Variants in PRAG1 observed in about 807,000 individuals in gnomAD.
PRAG1 encodes the protein PEAK1 related, kinase-activating pseudokinase 1.
A neutral mutation model predicts 95.6 loss-of-function variants in PRAG1; 110 were observed. That is an observed-to-expected ratio of 1.15 (90% CI 0.99 to 1.35). PRAG1 has a LOEUF of 1.35. Ranked by LOEUF, PRAG1 falls within the 40% of genes most tolerant of loss-of-function variation. The pLI is 0.00. For missense variants in PRAG1, 2,554 were observed against 1,864.7 expected, an observed-to-expected ratio of 1.37 and a Z score of -6.81; for synonymous variants, 1,052 against 819.4, an observed-to-expected ratio of 1.28 and a Z score of -4.85.
chr8:8,335,147 A>G (rs1798947696), intron 4 of PRAG1, among the ~76,000 whole-genome samples: 1 of 152,210 alleles, frequency 6.6e-6, no homozygotes, highest in Non-Finnish European at 1.5e-5. Flanking sequence ...ATATTTATTT[A>G]AAATACACAT....
chr8:8,376,434 T>G lies in PRAG1; in HGVS notation c.1975A>C (p.Lys659Gln). The change falls in exon 3 of 6, where the codon AAA becomes CAA. Residue 659 changes from lysine (K) to glutamine (Q), a missense_variant. Coordinates refer to ENST00000615670, the MANE Select transcript of PRAG1 (RefSeq NM_001080826.3). Reference sequence around the variant, plus strand: ...TTTGAATGGTCCGTGGGGCCATTTTTGGTCTCTCTTCCCCAGCTGTGACTC... The same window carrying G: ...TTTGAATGGTCCGTGGGGCCATTTTGGGTCTCTCTTCCCCAGCTGTGACTC... ...LLSHSWGRET[K>Q]NGPTDHSNST... The G allele has an allele frequency of 6.2e-7, 1 of 1,614,202 alleles. No homozygotes were observed.
At chr8:8,343,974 T>C (rs749564266) in intron 3 of PRAG1, among the ~76,000 whole-genome samples, 12 of 152,030 alleles carry the variant, frequency 7.9e-5, no homozygotes, top group Non-Finnish European at 1.8e-4. Context: ...ACATAATGTA[T>C]TCAAAATATT....
chr8:8,381,628 G>C lies in PRAG1; in HGVS notation c.120C>G (p.His40Gln). ...GCTGGGGAGGGCCGGCCACCAGCTG[G>C]TGGTCGCTCCGCAGGCAGAAGCAGT... ...CKNCFCLRSD[H>Q]QLVAGPPQPR... The change falls in exon 2 of 6, where the codon CAC becomes CAG. Residue 40 changes from histidine (H) to glutamine (Q), a missense_variant. By Grantham distance (24) the His-to-Gln change is conservative. Coordinates refer to ENST00000615670, the MANE Select transcript of PRAG1 (RefSeq NM_001080826.3). 2 of 1,613,942 alleles carry C rather than the reference G, an allele frequency of 1.2e-6. No individual in the cohort carries two copies. The highest frequency in any genetic ancestry group is 3.3e-5 in the Admixed American group (2 of 60,016).
At chr8:8,367,162 C>G (rs1406244007) in intron 3 of PRAG1, among the ~76,000 whole-genome samples, 1 of 152,090 alleles carries the variant, frequency 6.6e-6, no homozygotes, top group Non-Finnish European at 1.5e-5. Flanking sequence ...CAAGTGTTCT[C>G]ATGGTTCAAC....
At chr8:8,348,468 T>C (rs1353010912) in intron 3 of PRAG1, among the ~76,000 whole-genome samples, 4 of 152,204 alleles carry the variant, frequency 2.6e-5, no homozygotes, top group Admixed American at 6.5e-5. Context: ...AACACATTCC[T>C]AGGCTTCTGG....
At chr8:8,320,206 A>T (rs931137166) in intron 5 of PRAG1, among the ~76,000 whole-genome samples, 3 of 152,156 alleles carry the variant, frequency 2.0e-5, no homozygotes, top group Admixed American at 2.0e-4. Flanking sequence ...CTTCCCACAT[A>T]CTTTTCCTTC....
chr8:8,363,095 A>G (rs953653472), intron 3 of PRAG1, among the ~76,000 whole-genome samples: 59 of 144,580 alleles, frequency 4.1e-4, no homozygotes, highest in African/African-American at 1.4e-3. Flanking sequence ...GTGCGTGTGT[A>G]TATATATATA....
At chr8:8,328,813 A>G (rs954451172) in intron 4 of PRAG1, among the ~76,000 whole-genome samples, 7 of 152,140 alleles carry the variant, frequency 4.6e-5, no homozygotes, top group African/African-American at 1.7e-4. Context: ...TTACATAGAA[A>G]AGAGCAAACG....
At chr8:8,328,584 C>A (rs1349771919) in intron 4 of PRAG1, 123 bp from the exon 5 acceptor site, 1 of 1,087,380 alleles carries the variant, frequency 9.2e-7, no homozygotes, top group East Asian at 2.7e-5. Flanking sequence ...TATGTTACTT[C>A]TTTTCTATTT....
intron 3 of PRAG1, among the ~76,000 whole-genome samples, chr8:8,342,876 T>C (rs1394376705): frequency 6.6e-6 from 1 of 151,866 alleles, no homozygotes; most frequent in Non-Finnish European, 1.5e-5. Flanking sequence ...GGCTAAAAAA[T>C]AGCAATATAA....
chr8:8,376,423 G>A lies in PRAG1; in HGVS notation c.1986C>T (p.Pro662=). 3 of 1,614,146 alleles carry A rather than the reference G, an allele frequency of 1.9e-6. No homozygotes were observed. Among genetic ancestry groups the A allele is most frequent in the Non-Finnish European group, 2.5e-6 (3 of 1,180,022 alleles). ...AGGTCGTGGAGTTTGAATGGTCCGT[G>A]GGGCCATTTTTGGTCTCTCTTCCCC... ...HSWGRETKNG[P]TDHSNSTTWH... The change falls in exon 3 of 6, where the codon CCC becomes CCT. Residue 662 remains proline (P), a synonymous_variant. Coordinates refer to ENST00000615670, the MANE Select transcript of PRAG1 (RefSeq NM_001080826.3).
rs200619788 is a variant in PRAG1 at position 8,327,802 on chromosome 8, G to A, written c.2980C>T (p.Leu994=). The A allele has an allele frequency of 6.2e-7, 1 of 1,614,242 alleles. No homozygotes were observed. Among genetic ancestry groups the A allele is most frequent in the South Asian group, 1.1e-5 (1 of 91,088 alleles). ...FNENNWSLFK[L]TCNKPCCDSG... is the part of the protein sequence containing the mutation. Reference sequence around the variant, plus strand: ...TCACAGCAGGGCTTGTTACAAGTCAGCTTGAAGAGCGACCAGTTATTCTCA... The same window carrying A: ...TCACAGCAGGGCTTGTTACAAGTCAACTTGAAGAGCGACCAGTTATTCTCA... Residue 994 remains leucine, a synonymous_variant, in exon 5 of 6, where the codon CTG becomes TTG. Coordinates refer to ENST00000615670, the MANE Select transcript of PRAG1 (RefSeq NM_001080826.3).
chr8:8,320,301 C>A (rs763242716), intron 5 of PRAG1, among the ~76,000 whole-genome samples: 1 of 152,170 alleles, frequency 6.6e-6, no homozygotes, highest in Admixed American at 6.5e-5. Flanking sequence ...AACCCCAGGG[C>A]ACCATCTGAG....
chr8:8,381,297 T>A, intron 2 of PRAG1, 121 bp downstream of exon 2: 1 of 946,376 alleles, frequency 1.1e-6, no homozygotes. Context: ...CAGGGCAAAC[T>A]GACAGGAAGC....
chr8:8,356,568 G>A (rs933827625), intron 3 of PRAG1, among the ~76,000 whole-genome samples: 7 of 152,096 alleles, frequency 4.6e-5, no homozygotes, highest in African/African-American at 9.6e-5. Context: ...GACTGGGCTC[G>A]AACTCCTGGG....
chr8:8,325,592 C>A (rs957746428), intron 5 of PRAG1, among the ~76,000 whole-genome samples: 4 of 152,160 alleles, frequency 2.6e-5, no homozygotes, highest in Middle Eastern at 3.2e-3. Flanking sequence ...CCAAGCTGCA[C>A]AGCACAATTA....
rs564341358 is a variant in PRAG1 at position 8,341,860 on chromosome 8, C to T, written c.2163-2225G>A. Among the ~76,000 whole-genome samples the T allele has an allele frequency of 1.8e-4, 27 of 152,274 alleles. No homozygotes were observed. In the East Asian group the frequency reaches 3.9e-3, roughly 22 times the overall value. ...AGAATTATAAAATGACGGCCGGATA[C>T]GGTGGCTCCCTCCTGTAATCCCAGC... On this transcript the variant is annotated intron_variant, in intron 3 of 5. Transcript: ENST00000615670.
At chr8:8,349,222 G>A (rs915176567) in intron 3 of PRAG1, among the ~76,000 whole-genome samples, 1 of 152,064 alleles carries the variant, frequency 6.6e-6, no homozygotes, top group African/African-American at 2.4e-5. Flanking sequence ...GAGGAGAAAG[G>A]CAGATAACTA....
Position 8,328,039 on chromosome 8 carries a change from C to A in PRAG1, c.2743G>T (p.Ala915Ser), listed in dbSNP as rs778298761. ...AGCTGGGAGGATGAGGCGGAGGGGG[C>A]CCCTTTGCACTGGAGGCCAGGGCTC... ...CGSPGLQCKG[A>S]PSASSSQLSV... Residue 915 changes from alanine (A) to serine (S), a missense_variant, in exon 5 of 6, where the codon GCC becomes TCC. Physicochemically the swap from Ala to Ser is moderately conservative, Grantham distance 99. Transcript: ENST00000615670. 44 of 1,583,348 alleles carry A rather than the reference C, an allele frequency of 2.8e-5. No homozygotes were observed. Among genetic ancestry groups the A allele is most frequent in the Non-Finnish European group, 3.6e-5 (42 of 1,164,330 alleles).
Sources: allele counts gnomAD v4.1 joint callset (sites outside exome capture counted in the v4.1 genomes callset), GRCh38; gene constraint gnomAD v4.1.1; transcripts MANE v1.5; gene names NCBI Gene and HGNC (gene_info 2026-07-23, HGNC 2026-07-21).